Variants in ADGRV1 observed in about 807,000 individuals in gnomAD.
ADGRV1 encodes G-protein coupled receptor 98.
In ADGRV1, 359 loss-of-function variants were observed where a neutral mutation model predicts 596.2. That is an observed-to-expected ratio of 0.60 (90% CI 0.55 to 0.66). ADGRV1 has a LOEUF of 0.66. Among genes scored for constraint, ADGRV1 ranks in the 30% least tolerant of loss-of-function variants. The pLI, the probability that ADGRV1 is intolerant of heterozygous loss-of-function variation, is 0.00. For synonymous variants in ADGRV1, 2,681 were observed against 2,679.2 expected, an observed-to-expected ratio of 1.00 and a Z score of -0.02; for missense variants, 7,274 against 7,575.6, an observed-to-expected ratio of 0.96 and a Z score of 1.48.
At chr5:90,603,993 CT>C (rs746637031) in intron 1 of ADGRV1, among the ~76,000 whole-genome samples, 2 of 150,864 alleles carry the variant, frequency 1.3e-5, no homozygotes, top group Non-Finnish European at 3.0e-5. Context: ...AAATTTCTTA[CT>C]TTCCTCTTTG....
chr5:90,951,806 T>A (rs116157723), intron 83 of ADGRV1, among the ~76,000 whole-genome samples: 1,777 of 152,256 alleles, frequency 0.012, 30 homozygotes, highest in African/African-American at 0.04. Flanking sequence ...ATAAATAAGA[T>A]CCCTGCCCTC....
intron 34 of ADGRV1, among the ~76,000 whole-genome samples, chr5:90,702,933 C>G (rs1422632046): frequency 6.6e-6 from 1 of 151,916 alleles, no homozygotes; most frequent in Non-Finnish European, 1.5e-5. Flanking sequence ...ATATTTTCAA[C>G]AAGTCATATG....
At chr5:91,012,329 C>T (rs1220219644) in intron 85 of ADGRV1, among the ~76,000 whole-genome samples, 1 of 151,944 alleles carries the variant, frequency 6.6e-6, no homozygotes, top group East Asian at 1.9e-4. Context: ...CTTACGCTTT[C>T]CTTTCTCCGC....
Position 90,829,255 on chromosome 5 carries a change from A to C in ADGRV1, c.16611+69A>C, listed in dbSNP as rs536578838. 142 of 1,185,172 alleles carry C rather than the reference A, an allele frequency of 1.2e-4. No homozygotes were observed. The African/African-American group carries it at 2.0e-3, about 17-fold the overall frequency. 73.4% of individuals were successfully genotyped at this position (1,185,172 alleles called of 1,614,324 possible). ...CTTTAACTACAGCAAGAGTAATGAC[A>C]TAGGGAATAATTGATACATTATTTT... is the stretch of plus-strand genomic sequence containing the variant. On this transcript the variant is annotated intron_variant, in intron 77 of 89. Transcript: ENST00000405460.
intron 50 of ADGRV1, among the ~76,000 whole-genome samples, chr5:90,741,913 ATATT>A (rs1184861017): frequency 2.6e-5 from 4 of 152,206 alleles, no homozygotes; most frequent in Non-Finnish European, 2.9e-5. Flanking sequence ...TGAGGATCAC[ATATT>A]TATTCTGGTT....
At position 90,786,899 on chromosome 5, in the gene ADGRV1, G is replaced by C. The variant is rs186303120; in HGVS notation, c.13654-1172G>C. The stretch of plus-strand genomic sequence containing the variant: ...AGGGCAGCATGCGACTGTGTGTTGT[G>C]GGGTGGTCAGGGCTGCAGATGCAGG... On this transcript the variant is annotated intron_variant, in intron 67 of 89. Coordinates refer to ENST00000405460, the MANE Select transcript of ADGRV1 (RefSeq NM_032119.4). 1.9e-4 allele frequency among the ~76,000 whole-genome samples: 29 copies of C among 152,284 alleles called. No individual in the cohort carries two copies. The East Asian group carries it at 5.0e-3, about 26-fold the overall frequency.
At chr5:90,852,565 C>T (rs1766636037) in intron 79 of ADGRV1, among the ~76,000 whole-genome samples, 1 of 152,208 alleles carries the variant, frequency 6.6e-6, no homozygotes, top group Admixed American at 6.5e-5. Flanking sequence ...ATTCCTAGAA[C>T]CCCTAATCCC....
chr5:90,737,059 AT>A (rs1257801360), intron 50 of ADGRV1, among the ~76,000 whole-genome samples: 7 of 147,578 alleles, frequency 4.7e-5, no homozygotes, highest in Non-Finnish European at 9.1e-5. Flanking sequence ...TTTATTTGAG[AT>A]TTTATTTCTT....
At chr5:90,756,337 G>A (rs1410909412) in intron 55 of ADGRV1, 117 bp from the exon 56 acceptor site, 3 of 637,990 alleles carry the variant, frequency 4.7e-6, no homozygotes. Context: ...GTTTGACAGA[G>A]CTGCCCATTC....
intron 83 of ADGRV1, among the ~76,000 whole-genome samples, chr5:90,880,054 A>G (rs79643735): frequency 0.016 from 2,442 of 152,090 alleles, 66 homozygotes; most frequent in African/African-American, 0.056. Flanking sequence ...TAATGGTATT[A>G]TTAATAATAT....
chr5:90,745,487 A>T, intron 51 of ADGRV1, 104 bp from the exon 52 acceptor site: 1 of 852,736 alleles, frequency 1.2e-6, no homozygotes, highest in Non-Finnish European at 1.8e-6. Context: ...AAATGTTGTG[A>T]TTCTTCCAAA....
chr5:90,668,401 G>A (rs1771879611), intron 21 of ADGRV1, among the ~76,000 whole-genome samples: 2 of 152,156 alleles, frequency 1.3e-5, no homozygotes, highest in African/African-American at 2.4e-5. Flanking sequence ...CCCTTTCTTT[G>A]ACTAGGAAAG....
chr5:90,815,871 C>G, intron 75 of ADGRV1, 135 bp downstream of exon 75: 1 of 608,592 alleles, frequency 1.6e-6, no homozygotes, highest in Non-Finnish European at 3.0e-6. Flanking sequence ...TTCAGATGCT[C>G]TAGTTCTTAA....
intron 85 of ADGRV1, among the ~76,000 whole-genome samples, chr5:91,043,588 G>T (rs1411102950): frequency 6.6e-6 from 1 of 152,100 alleles, no homozygotes; most frequent in African/African-American, 2.4e-5. Flanking sequence ...CTGTGCCTCA[G>T]TTCCTCCATT....
At chr5:90,595,810 C>T (rs574069392) in intron 1 of ADGRV1, among the ~76,000 whole-genome samples, 38 of 146,136 alleles carry the variant, frequency 2.6e-4, no homozygotes, top group Middle Eastern at 3.9e-3. Context: ...ACCTCCCTCC[C>T]GGACGGGGCA....
intron 84 of ADGRV1, among the ~76,000 whole-genome samples, chr5:90,969,052 A>G (rs1050136526): frequency 6.8e-6 from 1 of 147,460 alleles, no homozygotes; most frequent in African/African-American, 2.6e-5. Flanking sequence ...TTTTAGTGCC[A>G]TATAATAAAG....
intron 50 of ADGRV1, among the ~76,000 whole-genome samples, chr5:90,730,430 T>C (rs895622398): frequency 6.6e-6 from 1 of 152,190 alleles, no homozygotes; most frequent in African/African-American, 2.4e-5. Flanking sequence ...TATATGGCAA[T>C]AGCAAGTATT....
Position 90,617,905 on chromosome 5 carries a change from T to C in ADGRV1, c.309T>C (p.Asp103=). The change falls in exon 3 of 90, where the codon GAT becomes GAC. Residue 103 remains aspartate, a synonymous_variant. Coordinates refer to ENST00000405460, the MANE Select transcript of ADGRV1 (RefSeq NM_032119.4). The part of the protein sequence containing the change: ...NRTVYIAVCD[D]DLPEPDETFI... Reference sequence around the variant, plus strand: ...CAGTGTACATAGCAGTATGTGATGATGACTTACCAGAGCCTGACGAAACTT... The same window carrying C: ...CAGTGTACATAGCAGTATGTGATGACGACTTACCAGAGCCTGACGAAACTT... The C allele has an allele frequency of 6.3e-7, 1 of 1,595,190 alleles. No homozygotes were observed. Among genetic ancestry groups the C allele is most frequent in the Non-Finnish European group, 8.6e-7 (1 of 1,169,442 alleles).
intron 57 of ADGRV1, among the ~76,000 whole-genome samples, chr5:90,758,664 T>C (rs1756109666): frequency 6.6e-6 from 1 of 152,234 alleles, no homozygotes; most frequent in South Asian, 2.1e-4. Context: ...CACTTTTCTC[T>C]GTTGTTAAAT....
Sources: gnomAD v4.1 joint callset for allele counts (sites outside exome capture counted in the v4.1 genomes callset) on GRCh38, gnomAD v4.1.1 for gene constraint, MANE v1.5 for transcripts, NCBI Gene and HGNC (gene_info 2026-07-23, HGNC 2026-07-21) for gene names.